The following CACNA1A variants were observed in gnomAD, a reference collection of about 807,000 sequenced individuals.
CACNA1A encodes the protein voltage-dependent P/Q-type calcium channel subunit alpha-1A.
Under a neutral mutation model 262.4 loss-of-function variants are expected in CACNA1A, and 57 were observed. The observed-to-expected ratio is 0.22, with a 90% CI of 0.18 to 0.27. The LOEUF is 0.27. Ranked by LOEUF, CACNA1A falls within the 10% of genes least tolerant of loss-of-function variation. The probability of loss-of-function intolerance (pLI) is 1.00; values close to 1 mark genes in which losing one functional copy is unlikely to be tolerated. For synonymous variants in CACNA1A, 1,431 were observed against 1,419.3 expected (o/e 1.01, Z -0.18); for missense variants, 2,526 against 3,562.8 (o/e 0.71, Z 7.41).
intron 1 of CACNA1A, among the ~76,000 whole-genome samples, chr19:13,485,013 T>C (rs894464827): frequency 2.0e-5 from 3 of 152,232 alleles, no homozygotes; most frequent in Non-Finnish European, 4.4e-5. Flanking sequence ...TATCCGTCAC[T>C]GTAACTCAGT....
chr19:13,399,433 G>T (rs878917328), intron 3 of CACNA1A, among the ~76,000 whole-genome samples: 2 of 141,580 alleles, frequency 1.4e-5, no homozygotes, highest in Non-Finnish European at 3.0e-5. Flanking sequence ...GGAGAGAAAA[G>T]GAAAAAAAAA....
chr19:13,455,682 C>T (rs1408972646), intron 1 of CACNA1A, among the ~76,000 whole-genome samples: 3 of 151,926 alleles, frequency 2.0e-5, no homozygotes, highest in Non-Finnish European at 2.9e-5. Flanking sequence ...AGACTATAGA[C>T]AGTGGAAGGG....
At chr19:13,403,398 A>G (rs189299177) in intron 3 of CACNA1A, among the ~76,000 whole-genome samples, 64 of 152,296 alleles carry the variant, frequency 4.2e-4, no homozygotes, top group African/African-American at 1.5e-3. Context: ...AGACAGGTTC[A>G]GAGAGAGCAC....
intron 4 of CACNA1A, among the ~76,000 whole-genome samples, chr19:13,367,494 G>A (rs865946390): frequency 7.2e-5 from 11 of 151,882 alleles, no homozygotes; most frequent in Admixed American, 2.0e-4. Context: ...TTGGGAGGCC[G>A]AGGCGGGCAG....
chr19:13,224,237 T>C (rs1044586522), intron 38 of CACNA1A, among the ~76,000 whole-genome samples: 1 of 151,264 alleles, frequency 6.6e-6, no homozygotes, highest in South Asian at 2.1e-4. Flanking sequence ...GGCAGGAGAA[T>C]CGCTTGAACC....
At chr19:13,399,869 G>A (rs1473464754) in intron 3 of CACNA1A, among the ~76,000 whole-genome samples, 1 of 152,132 alleles carries the variant, frequency 6.6e-6, no homozygotes, top group Non-Finnish European at 1.5e-5. Context: ...TTTCAGAAGT[G>A]GGGAGGTCCC....
chr19:13,235,459 C>A (rs2055842913), intron 32 of CACNA1A, among the ~76,000 whole-genome samples, 155 bp downstream of exon 32: 1 of 152,138 alleles, frequency 6.6e-6, no homozygotes, highest in African/African-American at 2.4e-5. Context: ...TGAAGACACA[C>A]CAGGGACAGG....
chr19:13,318,890 C>CTTTTTGTTTTTTTTTTTTTTTT (rs2058186488), intron 10 of CACNA1A, among the ~76,000 whole-genome samples: 1 of 114,668 alleles, frequency 8.7e-6, no homozygotes, highest in Non-Finnish European at 1.7e-5. Context: ...TAAAATACAT[C>CTTTTTGTTTTTTTTTTTTTTTT]TTTTTTTTTT....
At chr19:13,447,287 C>T (rs895470796) in intron 3 of CACNA1A, among the ~76,000 whole-genome samples, 2 of 152,194 alleles carry the variant, frequency 1.3e-5, no homozygotes, top group African/African-American at 4.8e-5. Context: ...TAGGACCTAT[C>T]TGTTCTAGAT....
chr19:13,253,612 A>C (rs1229688846), intron 29 of CACNA1A, among the ~76,000 whole-genome samples: 1 of 151,130 alleles, frequency 6.6e-6, no homozygotes, highest in Non-Finnish European at 1.5e-5. Flanking sequence ...TGCCCAGCTA[A>C]CTTTTTGTAT....
chr19:13,217,429 C>T (rs915950685), intron 38 of CACNA1A, among the ~76,000 whole-genome samples: 28 of 152,130 alleles, frequency 1.8e-4, no homozygotes, highest in Admixed American at 9.8e-4. Flanking sequence ...GAAAAGAAAG[C>T]GCGTTATGTT....
chr19:13,247,543 C>T lies in CACNA1A; in HGVS notation c.4867-2278G>A, dbSNP rs2056272809. On this transcript the variant is annotated intron_variant, in intron 30 of 46. Transcript: ENST00000360228. Reference sequence around the variant, plus strand: ...CCCATCTCTACTAAAAATACACGCACACAAAAATCAGGCAGGCGTGGTGGT... The same window carrying T: ...CCCATCTCTACTAAAAATACACGCATACAAAAATCAGGCAGGCGTGGTGGT... Among the ~76,000 whole-genome samples the T allele has an allele frequency of 2.0e-5, 3 of 151,834 alleles. No homozygotes were observed. In the South Asian group the frequency reaches 6.3e-4, roughly 32 times the overall value.
chr19:13,298,505 T>C lies in CACNA1A; in HGVS notation c.3089+39A>G, dbSNP rs1452461795. Reference sequence around the variant, plus strand: ...ACTTTGGCTGTTGTCATTATTAATGTTACCGTCATTCTGCGGATTCGAGGT... The same window carrying C: ...ACTTTGGCTGTTGTCATTATTAATGCTACCGTCATTCTGCGGATTCGAGGT... On this transcript the variant is annotated intron_variant, in intron 19 of 46. Transcript: ENST00000360228. The C allele has an allele frequency of 8.1e-6, 12 of 1,489,452 alleles. No homozygotes were observed. In the African/African-American group the frequency reaches 1.3e-4, roughly 16 times the overall value. The allele number at this position is 1,489,452 out of a possible 1,614,324, so 92.3% of individuals were successfully genotyped here.
intron 1 of CACNA1A, among the ~76,000 whole-genome samples, chr19:13,480,858 G>A (rs968355201): frequency 6.6e-6 from 1 of 151,978 alleles, no homozygotes; most frequent in African/African-American, 2.4e-5. Flanking sequence ...CTGGGCACTG[G>A]GCTAAGCTTT....
intron 3 of CACNA1A, 44 bp from the exon 4 acceptor site, chr19:13,371,823 G>C (rs2059328034): frequency 7.0e-7 from 1 of 1,426,072 alleles, no homozygotes; most frequent in Non-Finnish European, 9.7e-7. Flanking sequence ...GTGGGTTTTG[G>C]GGGTCAGACA....
intron 1 of CACNA1A, among the ~76,000 whole-genome samples, chr19:13,456,354 T>C (rs1431153134): frequency 1.3e-5 from 2 of 152,072 alleles, no homozygotes; most frequent in Non-Finnish European, 2.9e-5. Flanking sequence ...AAATCATGTA[T>C]CTGATAAGGG....
intron 3 of CACNA1A, among the ~76,000 whole-genome samples, chr19:13,396,215 T>C (rs1290119828): frequency 6.6e-6 from 1 of 152,244 alleles, no homozygotes; most frequent in Non-Finnish European, 1.5e-5. Context: ...AGAACACTCA[T>C]TGGTTCATTT....
intron 23 of CACNA1A, among the ~76,000 whole-genome samples, chr19:13,276,825 C>T (rs1199759583): frequency 6.6e-6 from 1 of 151,590 alleles, no homozygotes; most frequent in Non-Finnish European, 1.5e-5. Flanking sequence ...GATTCTCCTG[C>T]CTCAGCCTCC....
chr19:13,230,323 C>G, intron 35 of CACNA1A, 114 bp from the exon 36 acceptor site: 1 of 1,078,804 alleles, frequency 9.3e-7, no homozygotes, highest in Non-Finnish European at 1.4e-6. Flanking sequence ...GACATGTACA[C>G]AGAGGCCCAG....
Sources: allele counts gnomAD v4.1 joint callset (sites outside exome capture counted in the v4.1 genomes callset), GRCh38; gene constraint gnomAD v4.1.1; transcripts MANE v1.5; gene names NCBI Gene and HGNC (gene_info 2026-07-23, HGNC 2026-07-21).